The following ROR2 variants were observed in gnomAD, a reference collection of about 807,000 sequenced individuals.
ROR2 encodes the protein tyrosine-protein kinase transmembrane receptor ROR2.
A neutral mutation model predicts 74.9 loss-of-function variants in ROR2; 33 were observed. The ratio of observed to expected loss-of-function variants is 0.44; its 90% CI spans 0.33 to 0.59. ROR2 has a LOEUF of 0.59. Ranked by LOEUF, ROR2 falls within the 20% of genes least tolerant of loss-of-function variation. The pLI is 0.02. For synonymous variants in ROR2, 586 were observed against 558.7 expected (o/e 1.05, Z -0.69); for missense variants, 1,216 against 1,313.8 (o/e 0.93, Z 1.15).
chr9:91,769,224 TAGCAATCCCCAGCCC>T (rs1564263593), intron 2 of ROR2, among the ~76,000 whole-genome samples: 1 of 151,986 alleles, frequency 6.6e-6, no homozygotes, highest in Non-Finnish European at 1.5e-5. Context: ...AATGTACCCC[TAGCAATCCCCAGCCC>T]AGGGTGGATG....
intron 1 of ROR2, among the ~76,000 whole-genome samples, chr9:91,915,956 C>T (rs548901533): frequency 1.4e-4 from 22 of 152,292 alleles, no homozygotes; most frequent in Middle Eastern, 3.4e-3. Context: ...GAGGGGCAGG[C>T]GAGGCAAAGA....
intron 1 of ROR2, among the ~76,000 whole-genome samples, chr9:91,854,603 T>A (rs1017348119): frequency 2.6e-5 from 4 of 152,164 alleles, no homozygotes; most frequent in African/African-American, 9.7e-5. Flanking sequence ...AGAGCAAGTG[T>A]CCTCTTTTAA....
Position 91,775,683 on chromosome 9 carries a change from T to C in ROR2, c.175+58A>G, listed in dbSNP as rs999562543. 4 of 1,529,012 alleles carry C rather than the reference T, an allele frequency of 2.6e-6. No homozygotes were observed. The African/African-American group carries it at 4.1e-5, about 16-fold the overall frequency. 94.7% of individuals were successfully genotyped at this position (1,529,012 alleles called of 1,614,324 possible). On this transcript the variant is annotated intron_variant, in intron 2 of 8. Transcript: ENST00000375708. ...TCCTTCAGGCAATGGCAGTGCAAGA[T>C]GAGCCTCAGCACAGGGCATTTGGAG...
At chr9:91,947,130 A>C (rs1329654308) in intron 1 of ROR2, among the ~76,000 whole-genome samples, 2 of 152,260 alleles carry the variant, frequency 1.3e-5, no homozygotes, top group African/African-American at 4.8e-5. Context: ...TGCCTTAAAA[A>C]TCTGCAGAGC....
At chr9:91,768,952 C>T (rs376729121) in intron 2 of ROR2, among the ~76,000 whole-genome samples, 1 of 152,326 alleles carries the variant, frequency 6.6e-6, no homozygotes, top group African/African-American at 2.4e-5. Flanking sequence ...GGCCTTCAGC[C>T]TCCAGAGTGG....
chr9:91,891,950 A>G (rs923427556), intron 1 of ROR2, among the ~76,000 whole-genome samples: 1 of 151,482 alleles, frequency 6.6e-6, no homozygotes, highest in Non-Finnish European at 1.5e-5. Flanking sequence ...TAGGAGAATG[A>G]GGCAGAAGAA....
chr9:91,879,951 T>G (rs1176011374), intron 1 of ROR2, among the ~76,000 whole-genome samples: 1 of 152,086 alleles, frequency 6.6e-6, no homozygotes, highest in Non-Finnish European at 1.5e-5. Flanking sequence ...AAGTTTTTCA[T>G]CACAGTAGAA....
intron 1 of ROR2, among the ~76,000 whole-genome samples, chr9:91,860,886 C>G (rs907504674): frequency 6.6e-6 from 1 of 152,096 alleles, no homozygotes; most frequent in African/African-American, 2.4e-5. Context: ...CTTAGTCTAG[C>G]GGACACCTAA....
chr9:91,793,562 G>A (rs1216763045), intron 1 of ROR2, among the ~76,000 whole-genome samples: 2 of 151,876 alleles, frequency 1.3e-5, no homozygotes. Context: ...GGAGTCCAAG[G>A]CCAGCCTGGC....
At chr9:91,923,091 T>C (rs1831313931) in intron 1 of ROR2, among the ~76,000 whole-genome samples, 1 of 152,154 alleles carries the variant, frequency 6.6e-6, no homozygotes, top group African/African-American at 2.4e-5. Flanking sequence ...GCCAAGGAAT[T>C]CAGTGATCAC....
chr9:91,838,059 C>G (rs1369468095), intron 1 of ROR2, among the ~76,000 whole-genome samples: 1 of 152,166 alleles, frequency 6.6e-6, no homozygotes, highest in Non-Finnish European at 1.5e-5. Flanking sequence ...CTTTTACTGC[C>G]TTGTCTGGGA....
At chr9:91,760,664 T>G (rs1375906160) in intron 2 of ROR2, among the ~76,000 whole-genome samples, 1 of 151,202 alleles carries the variant, frequency 6.6e-6, no homozygotes, top group Admixed American at 6.6e-5. Context: ...GAAAAACAAC[T>G]GTTACTTTTT....
At chr9:91,927,085 T>C (rs1005046230) in intron 1 of ROR2, among the ~76,000 whole-genome samples, 1 of 152,242 alleles carries the variant, frequency 6.6e-6, no homozygotes, top group African/African-American at 2.4e-5. Context: ...TCATTAAATT[T>C]GGTAGAACGG....
At chr9:91,895,582 C>T (rs563328702) in intron 1 of ROR2, among the ~76,000 whole-genome samples, 5 of 152,314 alleles carry the variant, frequency 3.3e-5, no homozygotes, top group African/African-American at 9.6e-5. Flanking sequence ...CGGTGGCTCA[C>T]GCCTGTAATC....
At chr9:91,744,932 TG>T in intron 4 of ROR2, among the ~76,000 whole-genome samples, 1 of 152,246 alleles carries the variant, frequency 6.6e-6, no homozygotes, top group Non-Finnish European at 1.5e-5. Context: ...TGAAGTCAGT[TG>T]GTAAAAGGCT....
rs1462708339 is a variant in ROR2, at chr9:91,893,408, C to A, written c.97+56459G>T. Among the ~76,000 whole-genome samples the A allele has an allele frequency of 2.6e-5, 4 of 152,032 alleles. 1 individual carries two copies. Among genetic ancestry groups the A allele is most frequent in the Non-Finnish European group, 5.9e-5 (4 of 67,996 alleles). On this transcript the variant is annotated intron_variant, in intron 1 of 8. Coordinates refer to ENST00000375708, the MANE Select transcript of ROR2 (RefSeq NM_004560.4). ...TGAGCCAAGATCATGCCACTGCACT[C>A]CAGCCTGGGTGGCAGAGTAAGTGTG...
intron 1 of ROR2, among the ~76,000 whole-genome samples, chr9:91,829,143 A>G (rs181902075): frequency 1.3e-5 from 2 of 152,380 alleles, no homozygotes; most frequent in East Asian, 3.9e-4. Flanking sequence ...CTCCAAGCCA[A>G]TTAAACTTCA....
intron 1 of ROR2, among the ~76,000 whole-genome samples, chr9:91,889,785 T>C (rs890333693): frequency 1.3e-5 from 2 of 152,174 alleles, no homozygotes; most frequent in Non-Finnish European, 2.9e-5. Context: ...ATAATCTACA[T>C]TTGTGCACCC....
At chr9:91,771,335 G>C (rs1826221582) in intron 2 of ROR2, among the ~76,000 whole-genome samples, 1 of 152,146 alleles carries the variant, frequency 6.6e-6, no homozygotes, top group African/African-American at 2.4e-5. Flanking sequence ...ACATTCCAAA[G>C]TACTGATCTT....
Sources: allele counts gnomAD v4.1 joint callset (sites outside exome capture counted in the v4.1 genomes callset), GRCh38; gene constraint gnomAD v4.1.1; transcripts MANE v1.5; gene names NCBI Gene and HGNC (gene_info 2026-07-23, HGNC 2026-07-21).